The following EDNRA variants were observed in gnomAD, a reference collection of about 807,000 sequenced individuals.
EDNRA encodes endothelin receptor type A, also known as endothelin-1 receptor.
A neutral mutation model predicts 41.4 loss-of-function variants in EDNRA; 11 were observed. The ratio of observed to expected loss-of-function variants is 0.27; its 90% CI spans 0.17 to 0.44. The LOEUF (loss-of-function observed/expected upper bound fraction) is 0.44. Ranked by LOEUF, EDNRA falls within the 20% of genes least tolerant of loss-of-function variation. The probability of loss-of-function intolerance (pLI) is 1.00; values close to 1 mark genes in which losing one functional copy is unlikely to be tolerated. For synonymous variants in EDNRA, 172 were observed against 183.0 expected (o/e 0.94, Z 0.49); for missense variants, 294 against 531.0 (o/e 0.55, Z 4.39).
Position 147,519,338 on chromosome 4 carries a change from C to G in EDNRA, c.421-513C>G, listed in dbSNP as rs1233518961. Among the ~76,000 whole-genome samples the G allele has an allele frequency of 8.5e-5, 13 of 152,116 alleles. No individual in the cohort carries two copies. The highest frequency in any genetic ancestry group is 1.9e-4 in the Non-Finnish European group (13 of 68,014). ...TTCTTAATTTCAGAGACAATATAAT[C>G]TGCCAATTCCAGTAGTTGAAATTAT... On this transcript the variant is annotated intron_variant, in intron 2 of 7. Coordinates refer to ENST00000651419, the MANE Select transcript of EDNRA (RefSeq NM_001957.4). This position sits in a 1 kb window ranked among gnomAD's most constrained non-coding sequence, Gnocchi z 4.1.
At chr4:147,504,900 G>C (rs958251078) in intron 2 of EDNRA, among the ~76,000 whole-genome samples, 1 of 136,316 alleles carries the variant, frequency 7.3e-6, no homozygotes, top group African/African-American at 2.9e-5. Context: ...AGAGGTTGCA[G>C]TGAGCCGAGA....
chr4:147,484,277 T>C (rs988324643), intron 1 of EDNRA, among the ~76,000 whole-genome samples: 2 of 152,110 alleles, frequency 1.3e-5, no homozygotes, highest in Admixed American at 1.3e-4. Flanking sequence ...AATAAATAAA[T>C]AAATAAACCA....
intron 2 of EDNRA, chr4:147,493,253 T>C (rs1307261931): frequency 6.6e-6 from 1 of 152,022 alleles, no homozygotes; most frequent in African/African-American, 2.4e-5. Context: ...ACATGATACA[T>C]TGTGTATGCG....
At chr4:147,541,067 CAAAAAAAAAA>C (rs10551607) in intron 7 of EDNRA, among the ~76,000 whole-genome samples, 222 of 46,178 alleles carry the variant, frequency 4.8e-3, no homozygotes, top group African/African-American at 0.013. Context: ...GACTCAGTCT[CAAAAAAAAAA>C]AAAAAAAAAA....
At chr4:147,514,889 A>G (rs1173895069) in intron 2 of EDNRA, among the ~76,000 whole-genome samples, 1 of 152,134 alleles carries the variant, frequency 6.6e-6, no homozygotes, top group Non-Finnish European at 1.5e-5. Flanking sequence ...GTGATCCTCA[A>G]AGTATGGTTG....
rs1378843085 is a variant in EDNRA at position 147,543,918 on chromosome 4, G to T, written c.*1300G>T. 6.6e-6 allele frequency: 1 copy of T among 152,582 alleles called. No homozygotes were observed. The highest frequency in any genetic ancestry group is 2.4e-5 in the African/African-American group (1 of 41,434). The allele number at this position is 152,582 out of a possible 1,614,324, so 9.5% of individuals were successfully genotyped here. On this transcript the variant is annotated 3_prime_UTR_variant, in exon 8 of 8. Coordinates refer to ENST00000651419, the MANE Select transcript of EDNRA (RefSeq NM_001957.4). ...TTGTCACCATTTCAAAGGGCCCACA[G>T]TGACTTTTGCTGGGCATTTTCCCAG...
At position 147,523,488 on chromosome 4, in the gene EDNRA, G is replaced by T. The variant is rs1397229086; in HGVS notation, c.548+3510G>T. ...TTTTTTTTGTTGTTGTTGTTTTTTTGTTTTTTTTGTTTTTTTTTTTGAGAT... is the reference window on the plus strand; with the variant it reads ...TTTTTTTTGTTGTTGTTGTTTTTTTTTTTTTTTTGTTTTTTTTTTTGAGAT... On this transcript the variant is annotated intron_variant, in intron 3 of 7. Coordinates refer to ENST00000651419, the MANE Select transcript of EDNRA (RefSeq NM_001957.4). Among the ~76,000 whole-genome samples, 246 of 117,990 alleles carry T rather than the reference G, an allele frequency of 2.1e-3. 4 individuals are homozygous for T. The highest frequency in any genetic ancestry group is 6.9e-3 in the African/African-American group (152 of 22,154). 77.4% of individuals were successfully genotyped at this position (117,990 alleles called of 152,430 possible).
Position 147,537,903 on chromosome 4 carries a change from C to T in EDNRA, c.900+1874C>T, listed in dbSNP as rs1263666454. Reference sequence around the variant, plus strand: ...GCTGAAAGTCCTGCAGATGGGACTGCGGGAGAAACAGCATAGAGCACAAAA... The same window carrying T: ...GCTGAAAGTCCTGCAGATGGGACTGTGGGAGAAACAGCATAGAGCACAAAA... On this transcript the variant is annotated intron_variant, in intron 5 of 7. Coordinates refer to ENST00000651419, the MANE Select transcript of EDNRA (RefSeq NM_001957.4). Among the ~76,000 whole-genome samples the T allele has an allele frequency of 4.4e-5, 6 of 134,916 alleles. 1 individual carries two copies. Among genetic ancestry groups the T allele is most frequent in the Admixed American group, 2.9e-4 (4 of 13,562 alleles). 88.5% of individuals were successfully genotyped at this position (134,916 alleles called of 152,430 possible).
At chr4:147,500,176 T>C (rs1236817489) in intron 2 of EDNRA, among the ~76,000 whole-genome samples, 3 of 152,144 alleles carry the variant, frequency 2.0e-5, no homozygotes, top group Non-Finnish European at 4.4e-5. Flanking sequence ...ACTTTATATT[T>C]CTTTGGAAGG....
chr4:147,496,369 T>G (rs1243590603), intron 2 of EDNRA, among the ~76,000 whole-genome samples: 1 of 151,822 alleles, frequency 6.6e-6, no homozygotes, highest in South Asian at 2.1e-4. Context: ...TTCCACAAAT[T>G]TTACTTGCTT....
chr4:147,507,120 T>C lies in EDNRA; in HGVS notation c.421-12731T>C, dbSNP rs566775552. Among the ~76,000 whole-genome samples, 51 of 151,658 alleles carry C rather than the reference T, an allele frequency of 3.4e-4. 1 individual carries two copies. The Middle Eastern group carries it at 0.021, about 61-fold the overall frequency. On this transcript the variant is annotated intron_variant, in intron 2 of 7. Coordinates refer to ENST00000651419, the MANE Select transcript of EDNRA (RefSeq NM_001957.4). ...CTGTATCTCTGAGGAGCTGAGGTAGTACAGAATCAAAGAGAATAATATAGC... is the reference window on the plus strand; with the variant it reads ...CTGTATCTCTGAGGAGCTGAGGTAGCACAGAATCAAAGAGAATAATATAGC...
chr4:147,504,202 TACG>T (rs1270287150), intron 2 of EDNRA, among the ~76,000 whole-genome samples: 1 of 152,228 alleles, frequency 6.6e-6, no homozygotes, highest in East Asian at 1.9e-4. Flanking sequence ...TATTCTTTGA[TACG>T]ACATCAAAAC....
intron 5 of EDNRA, among the ~76,000 whole-genome samples, chr4:147,536,279 T>G (rs1011075968): frequency 6.6e-6 from 1 of 152,222 alleles, no homozygotes; most frequent in Non-Finnish European, 1.5e-5. Context: ...GCCAAGAGTG[T>G]ACTGAGCATG....
intron 2 of EDNRA, chr4:147,489,666 G>A (rs1382900632): frequency 6.6e-6 from 1 of 152,118 alleles, no homozygotes; most frequent in South Asian, 2.1e-4. Context: ...GCTCTGGATG[G>A]CCTGTGGCAT....
At chr4:147,492,867 C>G (rs545531372) in intron 2 of EDNRA, 26 of 152,176 alleles carry the variant, frequency 1.7e-4, no homozygotes, top group Admixed American at 5.2e-4. Flanking sequence ...CCCTGTCCAG[C>G]TCTACCTCCC....
chr4:147,525,177 A>G (rs968360116), intron 3 of EDNRA, among the ~76,000 whole-genome samples: 2 of 152,218 alleles, frequency 1.3e-5, no homozygotes, highest in Non-Finnish European at 2.9e-5. Context: ...TTACAGAATG[A>G]TGTAAGATCA....
intron 6 of EDNRA, 152 bp from the exon 7 acceptor site, chr4:147,540,225 C>T (rs766175612): frequency 1.7e-4 from 126 of 754,420 alleles, no homozygotes; most frequent in Non-Finnish European, 2.3e-4. Flanking sequence ...CTGAAACTGC[C>T]GTTTAAACAA....
At chr4:147,500,903 A>G (rs1729496255) in intron 2 of EDNRA, among the ~76,000 whole-genome samples, 1 of 152,212 alleles carries the variant, frequency 6.6e-6, no homozygotes, top group South Asian at 2.1e-4. Context: ...AGTTCCAACT[A>G]TGTGAAAGCA....
At chr4:147,510,897 A>G (rs1195233885) in intron 2 of EDNRA, among the ~76,000 whole-genome samples, 1 of 152,208 alleles carries the variant, frequency 6.6e-6, no homozygotes, top group Non-Finnish European at 1.5e-5. Flanking sequence ...GGAGTTAATA[A>G]TAGTTTCAGA....
Sources: gnomAD v4.1 joint callset for allele counts (sites outside exome capture counted in the v4.1 genomes callset) on GRCh38, gnomAD v4.1.1 for gene constraint, Gnocchi (gnomAD v3.1) non-coding constraint, MANE v1.5 for transcripts, NCBI Gene and HGNC (gene_info 2026-07-23, HGNC 2026-07-21) for gene names.